The following RGL1 variants were observed in gnomAD, a reference collection of about 807,000 sequenced individuals.
RGL1 encodes the protein ral guanine nucleotide dissociation stimulator-like 1.
Under a neutral mutation model 95.2 loss-of-function variants are expected in RGL1, and 24 were observed. That is an observed-to-expected ratio of 0.25 (90% CI 0.18 to 0.35). The LOEUF (loss-of-function observed/expected upper bound fraction) is 0.35. Ranked by LOEUF, RGL1 falls within the 10% of genes least tolerant of loss-of-function variation. The pLI, the probability that RGL1 is intolerant of heterozygous loss-of-function variation, is 1.00. For synonymous variants in RGL1, 329 were observed against 344.9 expected (o/e 0.95, Z 0.51); for missense variants, 715 against 936.3 (o/e 0.76, Z 3.08).
At chr1:183,902,113 C>T (rs1668061143) in intron 11 of RGL1, among the ~76,000 whole-genome samples, 1 of 152,182 alleles carries the variant, frequency 6.6e-6, no homozygotes, top group Admixed American at 6.5e-5. Flanking sequence ...ATTCAGCCTA[C>T]TGAGAATAGG....
intron 1 of RGL1, among the ~76,000 whole-genome samples, chr1:183,643,485 G>T (rs1378843423): frequency 1.3e-5 from 2 of 152,002 alleles, no homozygotes; most frequent in Non-Finnish European, 2.9e-5. Flanking sequence ...TAGAGAAGGG[G>T]TTTCACCATG....
At chr1:183,748,727 G>A (rs769928692) in intron 2 of RGL1, among the ~76,000 whole-genome samples, 7 of 152,052 alleles carry the variant, frequency 4.6e-5, no homozygotes, top group Non-Finnish European at 1.0e-4. Flanking sequence ...GTTGATTTTA[G>A]ATCTTTCCTG....
At chr1:183,878,853 ATC>A (rs1319564423) in intron 4 of RGL1, among the ~76,000 whole-genome samples, 6 of 152,144 alleles carry the variant, frequency 3.9e-5, no homozygotes, top group African/African-American at 1.2e-4. Context: ...ACCTCTCCAT[ATC>A]TGTTTTTCCA....
chr1:183,706,779 T>C (rs1654941331), intron 1 of RGL1, among the ~76,000 whole-genome samples: 1 of 152,180 alleles, frequency 6.6e-6, no homozygotes. Context: ...TTTTTTGCCT[T>C]TTACTTTTCT....
At chr1:183,649,902 T>G (rs944186595) in intron 1 of RGL1, among the ~76,000 whole-genome samples, 2 of 152,260 alleles carry the variant, frequency 1.3e-5, no homozygotes, top group East Asian at 3.9e-4. Flanking sequence ...GCCCCAACCT[T>G]CCGGGCTCAA....
intron 2 of RGL1, among the ~76,000 whole-genome samples, chr1:183,810,801 A>T (rs967795265): frequency 3.9e-5 from 6 of 152,092 alleles, no homozygotes; most frequent in Non-Finnish European, 5.9e-5. Flanking sequence ...AGCTAATTTC[A>T]CTTCTGGGAG....
At chr1:183,859,826 C>T (rs1665394527) in intron 3 of RGL1, among the ~76,000 whole-genome samples, 1 of 152,190 alleles carries the variant, frequency 6.6e-6, no homozygotes, top group South Asian at 2.1e-4. Context: ...AGTAACTTCA[C>T]AGTGGTAACA....
chr1:183,680,390 G>C (rs1173646037), intron 1 of RGL1, among the ~76,000 whole-genome samples: 2 of 152,088 alleles, frequency 1.3e-5, no homozygotes, highest in African/African-American at 4.8e-5. Context: ...GTTAATTTTT[G>C]TATAAGGTGT....
At chr1:183,868,910 C>G (rs527886118) in intron 4 of RGL1, among the ~76,000 whole-genome samples, 1 of 152,262 alleles carries the variant, frequency 6.6e-6, no homozygotes, top group East Asian at 1.9e-4. Flanking sequence ...AAGGCAGGAG[C>G]TCAAAACCAG....
chr1:183,647,690 T>G (rs1650390838), intron 1 of RGL1: 1 of 1,594,672 alleles, frequency 6.3e-7, no homozygotes, highest in Non-Finnish European at 8.6e-7. Context: ...ATTTCTTCCC[T>G]TTCTTCTTCT....
chr1:183,876,282 A>G lies in RGL1; in HGVS notation c.426-4334A>G, dbSNP rs541050631. Reference sequence around the variant, plus strand: ...CAAAAGTCCTAGAAGCTGCTTTAGTATGTTTCAAACAGTGACATCTGAGCA... The same window carrying G: ...CAAAAGTCCTAGAAGCTGCTTTAGTGTGTTTCAAACAGTGACATCTGAGCA... On this transcript the variant is annotated intron_variant, in intron 4 of 17. Transcript: ENST00000360851. Among the ~76,000 whole-genome samples the G allele has an allele frequency of 3.3e-5, 5 of 152,384 alleles. No homozygotes were observed. The South Asian group carries it at 8.3e-4, about 25-fold the overall frequency.
chr1:183,916,346 T>C, intron 15 of RGL1, 101 bp from the exon 16 acceptor site: 1 of 1,378,348 alleles, frequency 7.3e-7, no homozygotes, highest in Non-Finnish European at 1.0e-6. Context: ...AGGAAATAAC[T>C]GCAGTCTATC....
intron 9 of RGL1, among the ~76,000 whole-genome samples, chr1:183,895,547 A>G (rs1209140239): frequency 1.3e-5 from 2 of 152,212 alleles, no homozygotes; most frequent in African/African-American, 2.4e-5. Flanking sequence ...TGAGTACAGC[A>G]GAAAACAAGA....
chr1:183,817,289 A>G (rs1186870562), intron 2 of RGL1, among the ~76,000 whole-genome samples: 1 of 152,102 alleles, frequency 6.6e-6, no homozygotes, highest in African/African-American at 2.4e-5. Flanking sequence ...GCTGCTTTCT[A>G]TGTTTTCTTC....
At chr1:183,732,588 C>G (rs1656692609) in intron 1 of RGL1, among the ~76,000 whole-genome samples, 1 of 152,158 alleles carries the variant, frequency 6.6e-6, no homozygotes, top group Admixed American at 6.5e-5. Context: ...ACAGCCACAT[C>G]TGTCAAAACT....
At chr1:183,738,135 G>T (rs1441335924) in intron 1 of RGL1, among the ~76,000 whole-genome samples, 2 of 152,130 alleles carry the variant, frequency 1.3e-5, no homozygotes, top group Non-Finnish European at 2.9e-5. Flanking sequence ...AAGAAAGAAG[G>T]CAGGCTGAGT....
At chr1:183,794,055 G>GACACACAC (rs147087444) in intron 2 of RGL1, among the ~76,000 whole-genome samples, 144 of 146,016 alleles carry the variant, frequency 9.9e-4, no homozygotes, top group African/African-American at 1.7e-3. Context: ...AGAAAATGTG[G>GACACACAC]ACACACACAC....
chr1:183,656,094 G>GTT (rs1391451923), intron 1 of RGL1, among the ~76,000 whole-genome samples: 1 of 139,224 alleles, frequency 7.2e-6, no homozygotes, highest in African/African-American at 2.8e-5. Flanking sequence ...AGCAGACCAA[G>GTT]TTTTTTTTCT....
intron 1 of RGL1, among the ~76,000 whole-genome samples, chr1:183,719,230 A>C (rs901611386): frequency 6.6e-6 from 1 of 152,218 alleles, no homozygotes; most frequent in African/African-American, 2.4e-5. Context: ...TTTATGTGTT[A>C]TTGATTGATA....
Sources: allele counts gnomAD v4.1 joint callset (sites outside exome capture counted in the v4.1 genomes callset), GRCh38; gene constraint gnomAD v4.1.1; transcripts MANE v1.5; gene names NCBI Gene and HGNC (gene_info 2026-07-23, HGNC 2026-07-21).